The following NCAPG variants were observed in gnomAD, a reference collection of about 807,000 sequenced individuals.
The protein encoded by NCAPG is non-SMC condensin I complex subunit G.
In NCAPG, 69 loss-of-function variants were observed where a neutral mutation model predicts 113.1. The ratio of observed to expected loss-of-function variants is 0.61; its 90% CI spans 0.50 to 0.75. The LOEUF is 0.75. Among genes scored for constraint, NCAPG ranks in the 30% least tolerant of loss-of-function variants. The pLI is 0.00. For missense variants in NCAPG, 1,058 were observed against 1,177.0 expected (o/e 0.90, Z 1.48); for synonymous variants, 370 against 415.8 (o/e 0.89, Z 1.34).
rs1185877198 is a variant in NCAPG at position 17,843,900 on chromosome 4, A to T, written c.*475A>T. 6.5e-6 allele frequency: 1 copy of T among 152,852 alleles called. No individual in the cohort carries two copies. Among genetic ancestry groups the T allele is most frequent in the Non-Finnish European group, 1.5e-5 (1 of 68,414 alleles). The allele number at this position is 152,852 out of a possible 1,614,324, so 9.5% of individuals were successfully genotyped here. ...CTGGCTAGAAAGGAGCTTATCAATCACCAGTGAGGAAGACCAGTATAACGT... is the reference window on the plus strand; with the variant it reads ...CTGGCTAGAAAGGAGCTTATCAATCTCCAGTGAGGAAGACCAGTATAACGT... On this transcript the variant is annotated 3_prime_UTR_variant, in exon 21 of 21. Coordinates refer to ENST00000251496, the MANE Select transcript of NCAPG (RefSeq NM_022346.5).
In NCAPG at chr4:17,811,769, T is replaced by C. The variant is rs1223424497; in HGVS notation, c.112-452T>C. Among the ~76,000 whole-genome samples the C allele has an allele frequency of 6.6e-6, 1 of 152,244 alleles. No homozygotes were observed. The highest frequency in any genetic ancestry group is 1.9e-4 in the East Asian group (1 of 5,194). On this transcript the variant is annotated intron_variant, in intron 1 of 20. Coordinates refer to ENST00000251496, the MANE Select transcript of NCAPG (RefSeq NM_022346.5). The surrounding 1 kb of genome is among the most constrained non-coding windows in gnomAD (Gnocchi z 5.3). ...CAATTAATTTGGGGAAGATGAATTATCTTGAGGTCCAAGAAAAATTGTGAG... is the reference window on the plus strand; with the variant it reads ...CAATTAATTTGGGGAAGATGAATTACCTTGAGGTCCAAGAAAAATTGTGAG...
chr4:17,840,610 A>T lies in NCAPG; in HGVS notation c.2771A>T (p.Lys924Met). The T allele has an allele frequency of 6.8e-7, 1 of 1,463,160 alleles. No individual in the cohort carries two copies. 90.6% of individuals were successfully genotyped at this position (1,463,160 alleles called of 1,614,324 possible). The change falls in exon 19 of 21, where the codon AAG (lysine) becomes ATG (methionine). Residue 924 changes from lysine to methionine, a missense_variant. Transcript: ENST00000251496. ...TTTTFQNEDEKNKEVYMTPLR... is the reference protein window; with the variant it reads ...TTTTFQNEDEMNKEVYMTPLR... ...GTTGTATTATTCCCTTTAATAGAAA[A>T]GAATAAAGAAGTATATATGACTCCA...
At chr4:17,842,519 T>C (rs1722511672) in intron 20 of NCAPG, 140 bp downstream of exon 20, 5 of 661,970 alleles carry the variant, frequency 7.6e-6, no homozygotes, top group South Asian at 6.0e-5. Flanking sequence ...CTTAGGTATA[T>C]AGTCTAAAAT....
At chr4:17,830,182 A>G (rs1291799356) in intron 12 of NCAPG, among the ~76,000 whole-genome samples, 3 of 152,146 alleles carry the variant, frequency 2.0e-5, no homozygotes, top group Non-Finnish European at 4.4e-5. Context: ...GCTTGAGCTC[A>G]GGAGTTTGAG....
At chr4:17,812,081 T>C in intron 1 of NCAPG, 140 bp from the exon 2 acceptor site, 1 of 664,096 alleles carries the variant, frequency 1.5e-6, no homozygotes, top group South Asian at 1.8e-5. Flanking sequence ...TTGGCTGGTT[T>C]GGATAATTAA....
In NCAPG at chr4:17,818,048, A is replaced by G. The variant is rs745732498; in HGVS notation, c.1078A>G (p.Ile360Val). Residue 360 changes from isoleucine to valine, a missense_variant, in exon 7 of 21, where the codon ATT becomes GTT. Transcript: ENST00000251496. ...GDEGEEFLEQ[I>V]LPEPVVYADY... ...TGAAGGTGAAGAATTTTTAGAGCAG[A>G]TTTTGCCAGAGCCTGTAGTATATGC... is the stretch of plus-strand genomic sequence containing the variant. 2.0e-5 allele frequency: 33 copies of G among 1,613,218 alleles called. No individual in the cohort carries two copies. The Admixed American group carries it at 5.2e-4, about 25-fold the overall frequency.
At chr4:17,840,853 G>A (rs1722338194) in intron 19 of NCAPG, among the ~76,000 whole-genome samples, 160 bp downstream of exon 19, 1 of 151,820 alleles carries the variant, frequency 6.6e-6, no homozygotes, top group Non-Finnish European at 1.5e-5. Context: ...TTCTGTGGAT[G>A]TCAGTTTTTG....
At chr4:17,837,483 A>T (rs1722150272) in intron 15 of NCAPG, 143 bp downstream of exon 15, 2 of 1,235,590 alleles carry the variant, frequency 1.6e-6, no homozygotes, top group Non-Finnish European at 2.2e-6. Flanking sequence ...AACGATACAG[A>T]TTTTATCTAT....
At chr4:17,819,181 G>A (rs187077724) in intron 7 of NCAPG, among the ~76,000 whole-genome samples, 55 of 151,816 alleles carry the variant, frequency 3.6e-4, no homozygotes, top group Non-Finnish European at 7.1e-4. Flanking sequence ...ATATCATTCC[G>A]TAGTATGGTG....
intron 14 of NCAPG, 61 bp downstream of exon 14, chr4:17,834,584 A>T: frequency 9.0e-7 from 1 of 1,106,670 alleles, no homozygotes; most frequent in Non-Finnish European, 1.2e-6. Flanking sequence ...TTTGTTTATT[A>T]TTATTATTTT....
At chr4:17,827,395 G>A (rs1721692274) in intron 11 of NCAPG, among the ~76,000 whole-genome samples, 1 of 152,206 alleles carries the variant, frequency 6.6e-6, no homozygotes, top group South Asian at 2.1e-4. Flanking sequence ...AGGCATAATA[G>A]TTGGGAGACT....
At chr4:17,823,156 G>A in intron 8 of NCAPG, 33 bp downstream of exon 8, 1 of 1,581,582 alleles carries the variant, frequency 6.3e-7, no homozygotes, top group Non-Finnish European at 8.6e-7. Flanking sequence ...ATTCTAATTT[G>A]CCCTTCTAAT....
intron 5 of NCAPG, among the ~76,000 whole-genome samples, chr4:17,816,611 C>T (rs566011020): frequency 1.3e-5 from 2 of 152,262 alleles, no homozygotes; most frequent in South Asian, 4.1e-4. Flanking sequence ...TTGTATAGTT[C>T]ACTACTGCAA....
In NCAPG at chr4:17,823,684, T is replaced by C. The variant is rs1363021532; in HGVS notation, c.1297T>C (p.Leu433=). ...LLAVLQEILI[L]PTIPISLVSF... is the part of the protein sequence containing the mutation. ...GGCTGTTTTACAGGAGATTCTTATT[T>C]TACCCACAATCCCAATATCCCTGGT... is the stretch of plus-strand genomic sequence containing the variant. The change falls in exon 9 of 21, where the codon TTA becomes CTA. Residue 433 remains leucine, a synonymous_variant. Coordinates refer to ENST00000251496, the MANE Select transcript of NCAPG (RefSeq NM_022346.5). 5 of 1,611,374 alleles carry C rather than the reference T, an allele frequency of 3.1e-6. No individual in the cohort carries two copies. The South Asian group carries it at 4.4e-5, about 14-fold the overall frequency.
In NCAPG at chr4:17,824,993, G is replaced by A. The variant is rs368587786; in HGVS notation, c.1409G>A (p.Arg470Gln). 294 of 1,612,350 alleles carry A rather than the reference G, an allele frequency of 1.8e-4. 1 individual carries two copies. Among genetic ancestry groups the A allele is most frequent in the South Asian group, 7.7e-4 (70 of 90,954 alleles). ...QIVTEIISEIRAPIVTVGVNN... is the reference protein window; with the variant it reads ...QIVTEIISEIQAPIVTVGVNN... The stretch of plus-strand genomic sequence containing the variant: ...GTTACAGAAATTATCTCAGAGATTC[G>A]GGCGCCCATTGTTACTGTTGGTGTT... Residue 470 changes from arginine (R) to glutamine (Q), a missense_variant, in exon 10 of 21, where the codon CGG (arginine) becomes CAG (glutamine). Coordinates refer to ENST00000251496, the MANE Select transcript of NCAPG (RefSeq NM_022346.5).
At chr4:17,816,581 G>A (rs986844656) in intron 5 of NCAPG, among the ~76,000 whole-genome samples, 1 of 152,184 alleles carries the variant, frequency 6.6e-6, no homozygotes, top group Non-Finnish European at 1.5e-5. Flanking sequence ...TAAGACTAAG[G>A]TTTGTTCAGT....
rs199995669 is a variant in NCAPG, at chr4:17,812,222, T to C, written c.113T>C (p.Met38Thr). Residue 38 changes from methionine (M) to threonine (T), a missense_variant and splice_region_variant, in exon 2 of 21, where the codon ATG becomes ACG. Met to Thr is a moderately conservative substitution (Grantham distance 81). Transcript: ENST00000251496. Reference protein sequence around the residue: ...VVALSRTYRTMDDKTVFHEEF... With the variant: ...VVALSRTYRTTDDKTVFHEEF... ...TGAAGGGTTTCTTTTGTCTTTCAGA[T>C]GGATGATAAGACAGTTTTTCATGAG... 5.0e-6 allele frequency: 8 copies of C among 1,610,606 alleles called. No homozygotes were observed. The highest frequency in any genetic ancestry group is 4.2e-6 in the Non-Finnish European group (5 of 1,178,138).
intron 9 of NCAPG, 75 bp from the exon 10 acceptor site, chr4:17,824,893 G>A: frequency 1.0e-6 from 1 of 990,410 alleles, no homozygotes; most frequent in Non-Finnish European, 1.5e-6. Context: ...ATACTACTTG[G>A]AGTTTTATAT....
chr4:17,839,570 G>C, intron 16 of NCAPG, 106 bp from the exon 17 acceptor site: 1 of 804,476 alleles, frequency 1.2e-6, no homozygotes. Context: ...TTTTATATTT[G>C]GGATTATGGC....
Sources: allele counts gnomAD v4.1 joint callset (sites outside exome capture counted in the v4.1 genomes callset), GRCh38; gene constraint gnomAD v4.1.1; non-coding constraint Gnocchi (gnomAD v3.1); transcripts MANE v1.5; gene names NCBI Gene and HGNC (gene_info 2026-07-23, HGNC 2026-07-21).